The following NKAIN3 variants were observed in gnomAD, a reference collection of about 807,000 sequenced individuals.
NKAIN3 encodes the protein sodium/potassium-transporting ATPase subunit beta-1-interacting protein 3.
Under a neutral mutation model 30.2 loss-of-function variants are expected in NKAIN3, and 25 were observed. The observed-to-expected ratio is 0.83, with a 90% confidence interval of 0.60 to 1.16. The LOEUF (loss-of-function observed/expected upper bound fraction) is 1.16. Ranked by LOEUF, NKAIN3 falls within the 50% of genes most tolerant of loss-of-function variation. The probability of loss-of-function intolerance (pLI) is 0.00; values close to 1 mark genes in which losing one functional copy is unlikely to be tolerated. For synonymous variants in NKAIN3, 91 were observed against 89.6 expected, an observed-to-expected ratio of 1.02 and a Z score of -0.09; for missense variants, 225 against 254.1, an observed-to-expected ratio of 0.89 and a Z score of 0.78.
chr8:62,762,356 G>C (rs1181354685), intron 4 of NKAIN3, among the ~76,000 whole-genome samples: 1 of 151,842 alleles, frequency 6.6e-6, no homozygotes, highest in Non-Finnish European at 1.5e-5. Flanking sequence ...CATGGCATTT[G>C]AGCTGAAATG....
chr8:62,320,452 T>C (rs111438702), intron 1 of NKAIN3, among the ~76,000 whole-genome samples: 2,964 of 152,186 alleles, frequency 0.019, 96 homozygotes, highest in African/African-American at 0.065. Flanking sequence ...ATTTGGCATG[T>C]TTTTGCAGTG....
At chr8:62,397,521 C>G (rs184695994) in intron 1 of NKAIN3, among the ~76,000 whole-genome samples, 14 of 152,196 alleles carry the variant, frequency 9.2e-5, no homozygotes, top group Admixed American at 9.2e-4. Flanking sequence ...GAGGTTGCCT[C>G]TAATTGCTCA....
intron 4 of NKAIN3, among the ~76,000 whole-genome samples, chr8:62,801,310 C>A (rs1818055118): frequency 1.3e-5 from 2 of 152,204 alleles, no homozygotes; most frequent in Non-Finnish European, 2.9e-5. Flanking sequence ...GGGCAGACTG[C>A]TTCCTCAAGT....
intron 3 of NKAIN3, among the ~76,000 whole-genome samples, chr8:62,663,397 G>A (rs929277844): frequency 2.0e-5 from 3 of 152,132 alleles, no homozygotes; most frequent in South Asian, 2.1e-4. Flanking sequence ...GGTAGGTGTC[G>A]AAATGAAAAT....
intron 1 of NKAIN3, among the ~76,000 whole-genome samples, chr8:62,361,010 TA>T (rs3085311): frequency 3.4e-5 from 5 of 146,076 alleles, no homozygotes; most frequent in South Asian, 2.2e-4. Flanking sequence ...ATTCCCCAGC[TA>T]AAAAAAAAAA....
intron 3 of NKAIN3, among the ~76,000 whole-genome samples, chr8:62,595,304 C>T (rs1810788888): frequency 1.3e-5 from 2 of 150,636 alleles, no homozygotes; most frequent in African/African-American, 4.9e-5. Context: ...ATACCATTAG[C>T]TGTAAAATAT....
intron 5 of NKAIN3, among the ~76,000 whole-genome samples, chr8:62,941,713 C>A (rs368225239): frequency 4.6e-5 from 7 of 152,118 alleles, no homozygotes; most frequent in African/African-American, 1.7e-4. Context: ...AATCCAGCAT[C>A]CTTTTATGAT....
chr8:62,777,159 A>C (rs1817218084), intron 4 of NKAIN3, among the ~76,000 whole-genome samples: 1 of 152,060 alleles, frequency 6.6e-6, no homozygotes, highest in Non-Finnish European at 1.5e-5. Context: ...TTGATTATTG[A>C]ATAGTTTGAG....
chr8:62,554,019 A>G (rs2129948230), intron 1 of NKAIN3, among the ~76,000 whole-genome samples: 1 of 152,310 alleles, frequency 6.6e-6, no homozygotes, highest in Non-Finnish European at 1.5e-5. Flanking sequence ...CTCAACATAC[A>G]GCGATGACTT....
At chr8:62,854,071 T>G (rs776955049) in intron 4 of NKAIN3, among the ~76,000 whole-genome samples, 40 of 152,212 alleles carry the variant, frequency 2.6e-4, no homozygotes, top group Admixed American at 7.9e-4. Context: ...AGATGATTTG[T>G]TAGGATTTCA....
At chr8:62,567,368 G>A (rs1809790915) in intron 1 of NKAIN3, among the ~76,000 whole-genome samples, 1 of 152,150 alleles carries the variant, frequency 6.6e-6, no homozygotes, top group South Asian at 2.1e-4. Flanking sequence ...ACTCCGAATT[G>A]ACAGAGCAAG....
At chr8:62,430,404 TGTGG>T (rs1050488599) in intron 1 of NKAIN3, among the ~76,000 whole-genome samples, 2 of 146,538 alleles carry the variant, frequency 1.4e-5, no homozygotes, top group African/African-American at 2.5e-5. Context: ...TGTGTGTGTG[TGTGG>T]ATGGGTGTGT....
chr8:62,618,860 C>T (rs1008682179), intron 3 of NKAIN3, among the ~76,000 whole-genome samples: 1 of 151,820 alleles, frequency 6.6e-6, no homozygotes, highest in Admixed American at 6.6e-5. Flanking sequence ...GAGCTGAGAT[C>T]GCGCCACGGC....
At chr8:62,801,211 G>A (rs1041187075) in intron 4 of NKAIN3, among the ~76,000 whole-genome samples, 15 of 152,220 alleles carry the variant, frequency 9.9e-5, no homozygotes, top group Non-Finnish European at 1.0e-4. Flanking sequence ...CAAAAAGACA[G>A]CAGTAACCTC....
intron 1 of NKAIN3, among the ~76,000 whole-genome samples, chr8:62,566,452 A>G (rs1472748407): frequency 6.8e-6 from 1 of 147,384 alleles, no homozygotes; most frequent in Non-Finnish European, 1.5e-5. Flanking sequence ...TGAATGAGTG[A>G]ACTAAAGAAA....
At chr8:62,764,632 T>C (rs1563551922) in intron 4 of NKAIN3, among the ~76,000 whole-genome samples, 1 of 152,148 alleles carries the variant, frequency 6.6e-6, no homozygotes, top group South Asian at 2.1e-4. Flanking sequence ...ACCTGGCTAG[T>C]ATTTTCATTT....
Position 62,865,340 on chromosome 8 carries a change from G to A in NKAIN3, c.472-53113G>A, listed in dbSNP as rs573751031. Among the ~76,000 whole-genome samples the A allele has an allele frequency of 3.9e-5, 6 of 152,350 alleles. No individual in the cohort carries two copies. In the South Asian group the frequency reaches 1.2e-3, roughly 32 times the overall value. ...TCTACCAATACTGCATTCTGAGCTA[G>A]CAAGTGTTCCCAGAGCGTTGGACAT... is the stretch of plus-strand genomic sequence containing the variant. On this transcript the variant is annotated intron_variant, in intron 4 of 6. Transcript: ENST00000623646.
chr8:62,788,795 T>G (rs7819455), intron 4 of NKAIN3, among the ~76,000 whole-genome samples: 3 of 151,338 alleles, frequency 2.0e-5, no homozygotes, highest in Non-Finnish European at 3.0e-5. Flanking sequence ...ATAGGGAATC[T>G]TTTCCCCATT....
At chr8:62,613,073 T>C (rs190609160) in intron 3 of NKAIN3, among the ~76,000 whole-genome samples, 74 of 152,252 alleles carry the variant, frequency 4.9e-4, no homozygotes, top group African/African-American at 1.1e-3. Context: ...TACAGTGTTA[T>C]AGTATTCTGT....
Sources: allele counts gnomAD v4.1 joint callset (sites outside exome capture counted in the v4.1 genomes callset), GRCh38; gene constraint gnomAD v4.1.1; transcripts MANE v1.5; gene names NCBI Gene and HGNC (gene_info 2026-07-23, HGNC 2026-07-21).